Variants in UGGT2 observed in about 807,000 individuals in gnomAD.
The protein encoded by UGGT2 is UDP-glucose:glycoprotein glucosyltransferase 2.
A neutral mutation model predicts 192.1 loss-of-function variants in UGGT2; 180 were observed. The ratio of observed to expected loss-of-function variants is 0.94; its 90% CI spans 0.83 to 1.06. The LOEUF is 1.06. Among genes scored for constraint, UGGT2 ranks in the 50% least tolerant of loss-of-function variants. The pLI is 0.00. For synonymous variants in UGGT2, 580 were observed against 591.0 expected, an observed-to-expected ratio of 0.98 and a Z score of 0.27; for missense variants, 1,849 against 1,795.7, an observed-to-expected ratio of 1.03 and a Z score of -0.54.
chr13:96,031,765 A>T, intron 2 of UGGT2, 124 bp downstream of exon 2: 1 of 640,546 alleles, frequency 1.6e-6, no homozygotes, highest in Non-Finnish European at 2.5e-6. Flanking sequence ...TTTCAAATTT[A>T]ATGTTCGGAT....
At chr13:95,965,237 C>A (rs1172000701) in intron 12 of UGGT2, among the ~76,000 whole-genome samples, 2 of 150,834 alleles carry the variant, frequency 1.3e-5, no homozygotes, top group African/African-American at 4.9e-5. Flanking sequence ...CATCCCATTA[C>A]TGGGTATATA....
At chr13:96,000,679 T>TG (rs1184363897) in intron 5 of UGGT2, among the ~76,000 whole-genome samples, 1 of 152,156 alleles carries the variant, frequency 6.6e-6, no homozygotes, top group African/African-American at 2.4e-5. Flanking sequence ...ATAAAAGAAA[T>TG]GCAATTTCAC....
At chr13:96,038,261 G>A (rs1217232543) in intron 1 of UGGT2, among the ~76,000 whole-genome samples, 2 of 152,102 alleles carry the variant, frequency 1.3e-5, no homozygotes, top group Non-Finnish European at 2.9e-5. Context: ...AAATAAACAT[G>A]AATAAAAAAC....
chr13:96,020,721 T>C (rs2052489550), intron 4 of UGGT2, among the ~76,000 whole-genome samples: 1 of 152,086 alleles, frequency 6.6e-6, no homozygotes. Context: ...ACCTTTTTCT[T>C]CTCGACCCAT....
intron 15 of UGGT2, among the ~76,000 whole-genome samples, chr13:95,946,177 TCTTA>T (rs1186977477): frequency 2.0e-5 from 3 of 152,172 alleles, no homozygotes; most frequent in Non-Finnish European, 4.4e-5. Context: ...TACGAAATAA[TCTTA>T]CTATCTCTTG....
chr13:95,814,368 T>C (rs2389392), intron 38 of UGGT2, among the ~76,000 whole-genome samples: 5,034 of 152,304 alleles, frequency 0.033, 280 homozygotes, highest in African/African-American at 0.12. Context: ...ATCAGTGTAC[T>C]TGGATGTGGG....
At chr13:95,816,154 A>G (rs1884864821) in intron 38 of UGGT2, among the ~76,000 whole-genome samples, 1 of 152,202 alleles carries the variant, frequency 6.6e-6, no homozygotes, top group Non-Finnish European at 1.5e-5. Context: ...TAAATTACCC[A>G]GTCTCAGGTA....
At chr13:95,987,079 G>A (rs1049793781) in intron 8 of UGGT2, among the ~76,000 whole-genome samples, 13 of 152,054 alleles carry the variant, frequency 8.5e-5, no homozygotes, top group African/African-American at 3.1e-4. Flanking sequence ...GAGGCAGATT[G>A]TTTCTCCTTT....
intron 32 of UGGT2, 40 bp downstream of exon 32, chr13:95,860,748 T>C: frequency 7.7e-7 from 1 of 1,290,718 alleles, no homozygotes. Context: ...ACCATGTAAA[T>C]ATTTCTTTTT....
chr13:95,831,661 A>G (rs1886702034), intron 38 of UGGT2, among the ~76,000 whole-genome samples: 1 of 152,132 alleles, frequency 6.6e-6, no homozygotes, highest in African/African-American at 2.4e-5. Flanking sequence ...GTTTTTATAC[A>G]TATAAAATTT....
chr13:96,009,461 T>C (rs2052085456), intron 5 of UGGT2, among the ~76,000 whole-genome samples: 1 of 152,074 alleles, frequency 6.6e-6, no homozygotes, highest in Non-Finnish European at 1.5e-5. Flanking sequence ...AGGTCTAATA[T>C]CCAGAATCTA....
At chr13:95,904,390 C>A (rs566907418) in intron 20 of UGGT2, among the ~76,000 whole-genome samples, 4 of 150,984 alleles carry the variant, frequency 2.6e-5, no homozygotes, top group South Asian at 4.2e-4. Context: ...GTGCACTGCA[C>A]CCATTAACTC....
Position 95,937,078 on chromosome 13 carries a change from C to T in UGGT2, c.1823G>A (p.Ser608Asn). ...KYDEERKAGA[S>N]FYKMTGLGPL... ...ACCCAGGCCAGTCATCTTATAAAAG[C>T]TTGCTCCAGCCTATTCAGTTAAAAA... The change falls in exon 17 of 39, where the codon AGC (serine) becomes AAC (asparagine). Residue 608 changes from serine (S) to asparagine (N), a missense_variant. Transcript: ENST00000376747. The T allele has an allele frequency of 1.3e-6, 2 of 1,596,474 alleles. No homozygotes were observed. Among genetic ancestry groups the T allele is most frequent in the Non-Finnish European group, 1.7e-6 (2 of 1,176,130 alleles).
chr13:95,887,263 TG>T (rs1256562592), intron 26 of UGGT2: 1 of 514,752 alleles, frequency 1.9e-6, no homozygotes, highest in Admixed American at 2.0e-5. Context: ...ACTAGTGCAA[TG>T]GTACATACCC....
chr13:96,014,614 A>T (rs921417815), intron 4 of UGGT2, among the ~76,000 whole-genome samples: 1 of 152,200 alleles, frequency 6.6e-6, no homozygotes, highest in African/African-American at 2.4e-5. Flanking sequence ...AACCCCAAAT[A>T]GAATTTCACT....
intron 12 of UGGT2, among the ~76,000 whole-genome samples, chr13:95,956,743 T>A (rs2050222036): frequency 6.6e-6 from 1 of 152,228 alleles, no homozygotes; most frequent in African/African-American, 2.4e-5. Flanking sequence ...ACAAATGATG[T>A]AACAGCTGTG....
chr13:95,840,109 CA>C (rs1179711862), intron 36 of UGGT2, among the ~76,000 whole-genome samples: 1 of 152,090 alleles, frequency 6.6e-6, no homozygotes, highest in African/African-American at 2.4e-5. Context: ...AAAACCTAGG[CA>C]ATACCATTCA....
chr13:95,912,584 A>G (rs2048537656), intron 20 of UGGT2, among the ~76,000 whole-genome samples: 1 of 152,218 alleles, frequency 6.6e-6, no homozygotes, highest in African/African-American at 2.4e-5. Flanking sequence ...AAAGAAATAA[A>G]AGAGGACACA....
intron 5 of UGGT2, among the ~76,000 whole-genome samples, chr13:96,002,082 A>AT (rs2051825210): frequency 6.6e-6 from 1 of 152,200 alleles, no homozygotes; most frequent in Non-Finnish European, 1.5e-5. Context: ...AGTTATACAT[A>AT]TATTTTTTAA....
Sources: allele counts gnomAD v4.1 joint callset (sites outside exome capture counted in the v4.1 genomes callset), GRCh38; gene constraint gnomAD v4.1.1; transcripts MANE v1.5; gene names NCBI Gene and HGNC (gene_info 2026-07-23, HGNC 2026-07-21).